Variants in GDF1 observed in about 807,000 individuals in gnomAD.
GDF1 encodes the protein growth differentiation factor 1.
A neutral mutation model predicts 7.4 loss-of-function variants in GDF1; 8 were observed. The ratio of observed to expected loss-of-function variants is 1.09; its 90% CI spans 0.64 to 1.96. The LOEUF is 1.96. Among genes scored for constraint, GDF1 ranks in the 30% most tolerant of loss-of-function variants. The pLI is 0.00. For missense variants in GDF1, 574 were observed against 551.5 expected, an observed-to-expected ratio of 1.04 and a Z score of -0.41; for synonymous variants, 311 against 276.7, an observed-to-expected ratio of 1.12 and a Z score of -1.23.
In GDF1 at chr19:18,895,240, C is replaced by A. The variant is rs1293276212; in HGVS notation, c.-1074+584G>T. 2.6e-5 allele frequency among the ~76,000 whole-genome samples: 4 copies of A among 152,254 alleles called. No individual in the cohort carries two copies. Among genetic ancestry groups the A allele is most frequent in the Non-Finnish European group, 4.4e-5 (3 of 68,038 alleles). ...CAAGGCAGCGACCGGGCAGCTCCTG[C>A]CTCTTCCCGATTACAGCGGGCAAGC... On this transcript the variant is annotated intron_variant, in intron 1 of 7. Coordinates refer to ENST00000247005, the MANE Select transcript of GDF1 (RefSeq NM_001492.6). This position sits in a 1 kb window ranked among gnomAD's most constrained non-coding sequence, Gnocchi z 6.4.
chr19:18,882,494 T>C (rs1362726693), intron 3 of GDF1, among the ~76,000 whole-genome samples: 1 of 151,344 alleles, frequency 6.6e-6, no homozygotes, highest in East Asian at 2.0e-4. Flanking sequence ...TTAGCCGGTG[T>C]GATGTCATAC....
At position 18,870,366 on chromosome 19, in the gene GDF1, G is replaced by A. The variant is rs1309564918; in HGVS notation, c.-59C>T. ...GGTCCGCGGCGGCCCGGGACCAGTG[G>A]GCTGAGGGCGGGGCCGGTGTCCCCG... On this transcript the variant is annotated 5_prime_UTR_variant, in exon 7 of 8. Transcript: ENST00000247005. The surrounding 1 kb of genome is among the most constrained non-coding windows in gnomAD (Gnocchi z 5.1). The A allele has an allele frequency of 3.3e-5, 50 of 1,535,874 alleles. No individual in the cohort carries two copies. Among genetic ancestry groups the A allele is most frequent in the Non-Finnish European group, 4.0e-5 (46 of 1,142,278 alleles).
At chr19:18,886,503 T>A (rs2056364879) in intron 2 of GDF1, among the ~76,000 whole-genome samples, 1 of 151,992 alleles carries the variant, frequency 6.6e-6, no homozygotes, top group South Asian at 2.1e-4. Context: ...TGGCAGGAAC[T>A]AAGATGTTGC....
chr19:18,891,264 A>G (rs375990077), intron 2 of GDF1, among the ~76,000 whole-genome samples: 24 of 152,286 alleles, frequency 1.6e-4, no homozygotes, highest in African/African-American at 5.8e-4. Flanking sequence ...CATCCACTGT[A>G]CACTCTGGGC....
intron 2 of GDF1, among the ~76,000 whole-genome samples, chr19:18,885,528 T>TTG (rs1568302768): frequency 1.4e-5 from 2 of 146,638 alleles, no homozygotes; most frequent in African/African-American, 5.1e-5. Flanking sequence ...TTTTTTTTTT[T>TTG]TTTTTTTTTG....
chr19:18,868,730 G>C lies in GDF1; in HGVS notation c.986C>G (p.Pro329Arg). The C allele has an allele frequency of 6.5e-7, 1 of 1,534,784 alleles. No individual in the cohort carries two copies. The highest frequency in any genetic ancestry group is 1.4e-5 in the African/African-American group (1 of 72,328). Reference protein sequence around the residue: ...VLRALMHAAAPGAADLPCCVP... With the variant: ...VLRALMHAAARGAADLPCCVP... ...GCAGCAGGGCAGGTCGGCGGCTCCC[G>C]GGGCGGCCGCGTGCATGAGCGCGCG... is the stretch of plus-strand genomic sequence containing the variant. The change falls in exon 8 of 8, where the codon CCG becomes CGG. Residue 329 changes from proline to arginine, a missense_variant. Pro to Arg is a moderately radical substitution (Grantham distance 103). Transcript: ENST00000247005.
intron 6 of GDF1, among the ~76,000 whole-genome samples, chr19:18,872,896 G>A (rs905203911): frequency 2.6e-5 from 4 of 152,278 alleles, no homozygotes; most frequent in Non-Finnish European, 5.9e-5. Flanking sequence ...TGATCCATCC[G>A]CCTCAGCCTC....
intron 2 of GDF1, 127 bp from the exon 3 acceptor site, chr19:18,884,394 G>C: frequency 1.3e-6 from 1 of 755,614 alleles, no homozygotes; most frequent in Non-Finnish European, 2.0e-6. Context: ...GTGTCTGACT[G>C]CTGGCTTTCC....
At chr19:18,872,281 C>T (rs1449075233) in intron 6 of GDF1, among the ~76,000 whole-genome samples, 1 of 152,208 alleles carries the variant, frequency 6.6e-6, no homozygotes, top group Non-Finnish European at 1.5e-5. Context: ...TCAGTATTTG[C>T]CTTTTGAGGT....
intron 6 of GDF1, among the ~76,000 whole-genome samples, chr19:18,873,272 CAG>C (rs530726871): frequency 2.0e-4 from 31 of 152,192 alleles, no homozygotes; most frequent in South Asian, 4.2e-4. Context: ...GAATGGCACT[CAG>C]GGGAGCTGCG....
At chr19:18,886,990 C>G (rs1601179845) in intron 2 of GDF1, among the ~76,000 whole-genome samples, 1 of 152,216 alleles carries the variant, frequency 6.6e-6, no homozygotes, top group African/African-American at 2.4e-5. Flanking sequence ...AAACGGTCAC[C>G]ATGACCCAGC....
intron 6 of GDF1, among the ~76,000 whole-genome samples, chr19:18,877,698 C>T (rs972818751): frequency 2.8e-5 from 4 of 144,278 alleles, no homozygotes; most frequent in South Asian, 2.1e-4. Context: ...GCGGTTGCAG[C>T]GAGCCGAGAT....
chr19:18,888,519 T>TA (rs781426705), intron 2 of GDF1, among the ~76,000 whole-genome samples: 2,164 of 59,048 alleles, frequency 0.037, 109 homozygotes, highest in East Asian at 0.07. Flanking sequence ...CCCTGTCTCT[T>TA]AAAAAAAAAA....
chr19:18,890,849 C>T (rs1050225122), intron 2 of GDF1, among the ~76,000 whole-genome samples: 2 of 148,384 alleles, frequency 1.3e-5, no homozygotes, highest in African/African-American at 5.0e-5. Flanking sequence ...AGAGGCTGGG[C>T]GTGGTGGCTC....
At chr19:18,877,556 A>T (rs1224731562) in intron 6 of GDF1, among the ~76,000 whole-genome samples, 1 of 152,160 alleles carries the variant, frequency 6.6e-6, no homozygotes, top group African/African-American at 2.4e-5. Context: ...GTTTGAGACC[A>T]GCCTGAGCAA....
chr19:18,893,807 A>AG (rs1478233752), intron 1 of GDF1, among the ~76,000 whole-genome samples: 1 of 149,762 alleles, frequency 6.7e-6, no homozygotes, highest in South Asian at 2.1e-4. Context: ...GTGAGGGGGG[A>AG]GGCCCCGAGG....
At chr19:18,869,545 G>T (rs1483102018) in intron 7 of GDF1, among the ~76,000 whole-genome samples, 155 bp from the exon 8 acceptor site, 3 of 150,004 alleles carry the variant, frequency 2.0e-5, no homozygotes, top group African/African-American at 7.4e-5. Flanking sequence ...TGGAGTGGGG[G>T]CAGGGCATGA....
chr19:18,889,363 T>A (rs2056438556), intron 2 of GDF1, among the ~76,000 whole-genome samples: 1 of 152,066 alleles, frequency 6.6e-6, no homozygotes. Context: ...GTCCTGTAGC[T>A]CCTTCCCCAC....
chr19:18,893,618 C>T, intron 1 of GDF1, 43 bp from the exon 2 acceptor site: 1 of 1,566,338 alleles, frequency 6.4e-7, no homozygotes, highest in Non-Finnish European at 8.6e-7. Flanking sequence ...GTGCTGGGGG[C>T]CAGAGACTGC....
Sources: allele counts gnomAD v4.1 joint callset (sites outside exome capture counted in the v4.1 genomes callset), GRCh38; gene constraint gnomAD v4.1.1; non-coding constraint Gnocchi (gnomAD v3.1); transcripts MANE v1.5; gene names NCBI Gene and HGNC (gene_info 2026-07-23, HGNC 2026-07-21).